Variants in XRN1 observed in about 807,000 individuals in gnomAD.
XRN1 encodes the protein 5'-3' exoribonuclease 1.
XRN1 carries 67 observed loss-of-function variants against 222.3 expected under a neutral mutation model. The ratio of observed to expected loss-of-function variants is 0.30; its 90% confidence interval spans 0.25 to 0.37. XRN1 has a LOEUF of 0.37. Ranked by LOEUF, XRN1 falls within the 10% of genes least tolerant of loss-of-function variation. The probability of loss-of-function intolerance (pLI) is 1.00; values close to 1 mark genes in which losing one functional copy is unlikely to be tolerated. For synonymous variants in XRN1, 643 were observed against 652.4 expected (o/e 0.99, Z 0.22); for missense variants, 1,707 against 2,000.2 (o/e 0.85, Z 2.80).
At chr3:142,335,817 T>C (rs1487879102) in intron 33 of XRN1, among the ~76,000 whole-genome samples, 1 of 152,066 alleles carries the variant, frequency 6.6e-6, no homozygotes, top group African/African-American at 2.4e-5. Flanking sequence ...GAAAGCAAGT[T>C]CCACTGGAAG....
At position 142,366,001 on chromosome 3, in the gene XRN1, G is replaced by A. The variant is rs114951131; in HGVS notation, c.3205-635C>T. Among the ~76,000 whole-genome samples the A allele has an allele frequency of 5.5e-3, 836 of 152,176 alleles. 8 individuals carry two copies. The highest frequency in any genetic ancestry group is 0.019 in the African/African-American group (808 of 41,518). On this transcript the variant is annotated intron_variant, in intron 27 of 40. Coordinates refer to ENST00000392981, the MANE Select transcript of XRN1 (RefSeq NM_001282857.2). ...TTGCTTTGAATTTATTGTAAAATGC[G>A]ATATTAGAATCTTTTCATTATCTAA...
intron 5 of XRN1, 38 bp from the exon 6 acceptor site, chr3:142,423,680 A>AT (rs1383501254): frequency 2.0e-6 from 3 of 1,491,830 alleles, no homozygotes; most frequent in South Asian, 1.3e-5. Context: ...TTATTCTCCC[A>AT]TTTTTAATAA....
intron 38 of XRN1, 38 bp downstream of exon 38, chr3:142,318,752 A>C: frequency 6.2e-7 from 1 of 1,610,668 alleles, no homozygotes; most frequent in Admixed American, 1.7e-5. Flanking sequence ...ATAGGGACTA[A>C]TAAAAATTTT....
intron 33 of XRN1, among the ~76,000 whole-genome samples, chr3:142,343,976 G>C (rs2066068186): frequency 6.6e-6 from 1 of 152,044 alleles, no homozygotes; most frequent in Non-Finnish European, 1.5e-5. Flanking sequence ...GGTGAAATAA[G>C]CCAGGCACAG....
At chr3:142,382,030 G>A (rs1028540487) in intron 22 of XRN1, among the ~76,000 whole-genome samples, 1 of 152,208 alleles carries the variant, frequency 6.6e-6, no homozygotes, top group Non-Finnish European at 1.5e-5. Flanking sequence ...CATAGGTGAT[G>A]TGTCCTCCAA....
At chr3:142,380,391 C>CT (rs2067267393) in intron 22 of XRN1, among the ~76,000 whole-genome samples, 1 of 152,116 alleles carries the variant, frequency 6.6e-6, no homozygotes, top group Non-Finnish European at 1.5e-5. Context: ...ATCTATAATA[C>CT]TATAAATTTG....
chr3:142,400,300 G>T, intron 19 of XRN1, 144 bp downstream of exon 19: 1 of 564,616 alleles, frequency 1.8e-6, no homozygotes, highest in Non-Finnish European at 3.1e-6. Flanking sequence ...ACTTCAAGTG[G>T]TGTCATTAGA....
intron 12 of XRN1, 61 bp from the exon 13 acceptor site, chr3:142,417,290 C>CTGATACA: frequency 5.8e-6 from 8 of 1,371,566 alleles, no homozygotes; most frequent in Non-Finnish European, 8.3e-6. Flanking sequence ...GTCTTTAGAG[C>CTGATACA]ACGGTATCTG....
intron 29 of XRN1, among the ~76,000 whole-genome samples, chr3:142,360,766 T>TGGGA (rs1400962550): frequency 6.8e-6 from 1 of 147,318 alleles, no homozygotes; most frequent in African/African-American, 2.5e-5. Context: ...CCCAGCTAGT[T>TGGGA]GGGAGGCTGA....
intron 32 of XRN1, among the ~76,000 whole-genome samples, chr3:142,354,321 C>A (rs2066400699): frequency 6.6e-6 from 1 of 152,118 alleles, no homozygotes; most frequent in African/African-American, 2.4e-5. Context: ...TTATAAACTC[C>A]TGGTAGGAAT....
intron 21 of XRN1, among the ~76,000 whole-genome samples, chr3:142,384,299 C>T (rs1384044633): frequency 1.3e-5 from 2 of 148,430 alleles, no homozygotes; most frequent in South Asian, 2.1e-4. Context: ...AAAAAAAAAG[C>T]ATACGAAAGC....
At chr3:142,318,245 TCAA>T (rs1453024219) in intron 39 of XRN1, among the ~76,000 whole-genome samples, 1 of 143,202 alleles carries the variant, frequency 7.0e-6, no homozygotes, top group Non-Finnish European at 1.6e-5. Flanking sequence ...AATGTTAGTC[TCAA>T]CAAGATTTTG....
At chr3:142,430,091 G>A (rs1283588982) in intron 2 of XRN1, among the ~76,000 whole-genome samples, 4 of 152,098 alleles carry the variant, frequency 2.6e-5, no homozygotes, top group South Asian at 2.1e-4. Context: ...GTAAGTTCCC[G>A]AAACCACCCA....
At chr3:142,326,044 C>A (rs978695597) in intron 37 of XRN1, among the ~76,000 whole-genome samples, 2 of 151,966 alleles carry the variant, frequency 1.3e-5, no homozygotes, top group Admixed American at 1.3e-4. Context: ...TAAGCCAGTA[C>A]CATGTTGTTT....
intron 29 of XRN1, among the ~76,000 whole-genome samples, chr3:142,364,647 A>G (rs1229969363): frequency 6.6e-6 from 1 of 152,180 alleles, no homozygotes. Flanking sequence ...AAACTAAGTG[A>G]TTACAATGAA....
At position 142,431,983 on chromosome 3, in the gene XRN1, T is replaced by TATATAATATATTATATATA. The variant is rs1223671748; in HGVS notation, c.308+677_308+678insTATATATAATATATTATAT. Among the ~76,000 whole-genome samples, 677 of 75,026 alleles carry TATATAATATATTATATATA rather than the reference T, an allele frequency of 9.0e-3. 34 individuals are homozygous for TATATAATATATTATATATA. The highest frequency in any genetic ancestry group is 0.036 in the African/African-American group (631 of 17,672). 49.2% of individuals were successfully genotyped at this position (75,026 alleles called of 152,430 possible). A position where few individuals can be genotyped will look rare whatever the true frequency, so the allele number is the denominator to read the frequency against. ...ATATAATATAATATATTGTATATAT[T>TATATAATATATTATATATA]ATATAATATATTGTATATATATAAA... On this transcript the variant is annotated intron_variant, in intron 2 of 40. Coordinates refer to ENST00000392981, the MANE Select transcript of XRN1 (RefSeq NM_001282857.2).
At chr3:142,378,202 G>A (rs552780854) in intron 23 of XRN1, among the ~76,000 whole-genome samples, 37 of 152,310 alleles carry the variant, frequency 2.4e-4, no homozygotes, top group African/African-American at 8.4e-4. Flanking sequence ...AGAAAGGAAA[G>A]CCACTGGAAA....
chr3:142,368,043 A>G (rs2066873558), intron 27 of XRN1, among the ~76,000 whole-genome samples: 1 of 150,526 alleles, frequency 6.6e-6, no homozygotes, highest in African/African-American at 2.4e-5. Flanking sequence ...GATCATATAT[A>G]TGATTATATA....
chr3:142,431,908 A>AG (rs2069584590), intron 2 of XRN1, among the ~76,000 whole-genome samples: 1 of 51,462 alleles, frequency 1.9e-5, no homozygotes, highest in African/African-American at 9.5e-5. Context: ...TATATTATAT[A>AG]TATAAATATA....
Sources: gnomAD v4.1 joint callset for allele counts (sites outside exome capture counted in the v4.1 genomes callset) on GRCh38, gnomAD v4.1.1 for gene constraint, MANE v1.5 for transcripts, NCBI Gene and HGNC (gene_info 2026-07-23, HGNC 2026-07-21) for gene names.